Variants in IGF2BP3 observed in about 807,000 individuals in gnomAD.
The protein encoded by IGF2BP3 is insulin like growth factor 2 mRNA binding protein 3, also known as insulin-like growth factor 2 mRNA-binding protein 3.
A neutral mutation model predicts 73.8 loss-of-function variants in IGF2BP3; 9 were observed. The ratio of observed to expected loss-of-function variants is 0.12; its 90% CI spans 0.07 to 0.21. The LOEUF is 0.21. Among genes scored for constraint, IGF2BP3 ranks in the 10% least tolerant of loss-of-function variants. The pLI is 1.00. For missense variants in IGF2BP3, 542 were observed against 714.0 expected, an observed-to-expected ratio of 0.76 and a Z score of 2.75; for synonymous variants, 258 against 256.7, an observed-to-expected ratio of 1.01 and a Z score of -0.05.
At position 23,402,165 on chromosome 7, in the gene IGF2BP3, C is replaced by A. The variant is rs1360876492; in HGVS notation, c.285+16611G>T. The A allele has an allele frequency of 3.9e-5, 6 of 152,056 alleles. No individual in the cohort carries two copies. The East Asian group carries it at 1.2e-3, about 29-fold the overall frequency. 9.4% of individuals were successfully genotyped at this position (152,056 alleles called of 1,614,324 possible). ...TGCAGTCTAAGTCCAAAACCACCTG[C>A]TTAATACATAGCTCAGAGATATTTT... On this transcript the variant is annotated intron_variant, in intron 3 of 14. Coordinates refer to ENST00000258729, the MANE Select transcript of IGF2BP3 (RefSeq NM_006547.3).
At chr7:23,396,414 T>TAC (rs375114853) in intron 3 of IGF2BP3, 18,181 of 153,938 alleles carry the variant, frequency 0.12, 1,591 homozygotes, top group African/African-American at 0.25. Context: ...AATATGTACT[T>TAC]ACACACACAC....
intron 3 of IGF2BP3, among the ~76,000 whole-genome samples, chr7:23,372,759 G>A (rs959446919): frequency 6.6e-6 from 1 of 152,144 alleles, no homozygotes; most frequent in Non-Finnish European, 1.5e-5. Flanking sequence ...ACCAGCCTTC[G>A]TTCAGTCATG....
intron 3 of IGF2BP3, among the ~76,000 whole-genome samples, chr7:23,418,012 T>A (rs1035178813): frequency 2.6e-5 from 4 of 152,198 alleles, no homozygotes; most frequent in Non-Finnish European, 5.9e-5. Context: ...CAAACTAACC[T>A]TTTAACCAAA....
At chr7:23,426,537 A>AC (rs1787517214) in intron 2 of IGF2BP3, among the ~76,000 whole-genome samples, 1 of 152,138 alleles carries the variant, frequency 6.6e-6, no homozygotes, top group African/African-American at 2.4e-5. Context: ...CCTAAATGTT[A>AC]CCCTTTTTCT....
intron 10 of IGF2BP3, among the ~76,000 whole-genome samples, chr7:23,321,637 AAGAC>A (rs1348356128): frequency 6.6e-6 from 1 of 152,212 alleles, no homozygotes; most frequent in African/African-American, 2.4e-5. Context: ...GACAGACAAA[AAGAC>A]AGCAGTAACC....
chr7:23,465,788 A>G (rs1300031395), intron 2 of IGF2BP3, among the ~76,000 whole-genome samples: 1 of 152,230 alleles, frequency 6.6e-6, no homozygotes, highest in Non-Finnish European at 1.5e-5. Context: ...CCTAAAGTCC[A>G]GCAGGCTTGG....
intron 10 of IGF2BP3, among the ~76,000 whole-genome samples, chr7:23,331,631 G>A (rs1784446140): frequency 6.6e-6 from 1 of 152,138 alleles, no homozygotes; most frequent in Admixed American, 6.5e-5. Flanking sequence ...AGGCCAAGGT[G>A]GGTGGATCAC....
At chr7:23,427,755 C>T (rs1443745081) in intron 2 of IGF2BP3, among the ~76,000 whole-genome samples, 1 of 152,088 alleles carries the variant, frequency 6.6e-6, no homozygotes, top group Non-Finnish European at 1.5e-5. Flanking sequence ...CGCCTGTAAT[C>T]CCAGCACTTC....
At chr7:23,418,657 GAGA>G (rs1787260179) in intron 3 of IGF2BP3, 116 bp downstream of exon 3, 2 of 648,256 alleles carry the variant, frequency 3.1e-6, no homozygotes, top group African/African-American at 1.8e-5. Context: ...CGGGTCATAG[GAGA>G]AGAATTTTAT....
chr7:23,413,738 A>T (rs1562737939), intron 3 of IGF2BP3: 2 of 152,146 alleles, frequency 1.3e-5, no homozygotes, highest in Non-Finnish European at 2.9e-5. Flanking sequence ...GAATCCTTCC[A>T]GTCTGGTCAC....
intron 2 of IGF2BP3, among the ~76,000 whole-genome samples, chr7:23,420,978 C>T (rs1293048792): frequency 1.3e-5 from 2 of 152,070 alleles, no homozygotes; most frequent in Non-Finnish European, 2.9e-5. Flanking sequence ...GGACAGGTAC[C>T]TCTCTGCTTT....
chr7:23,312,438 T>A lies in IGF2BP3; in HGVS notation c.1664A>T (p.Glu555Val), dbSNP rs1418843895. 3.1e-6 allele frequency: 5 copies of A among 1,613,842 alleles called. No individual in the cohort carries two copies. In the African/African-American group the frequency reaches 6.7e-5, roughly 22 times the overall value. The part of the protein sequence containing the change: ...ACQVAQRKIQ[E>V]ILTQVKQHQQ... ...GTGCTGCTTTACCTGAGTCAGAATT[T>A]CCTGAATTTTTCTCTGGGCAACCTA... The change falls in exon 15 of 15, where the codon GAA (glutamate) becomes GTA (valine). Residue 555 changes from glutamate to valine, a missense_variant. Glu to Val is a moderately radical substitution (Grantham distance 121). Around this residue, in one of 2 missense-constraint regions of IGF2BP3, gnomAD observed 303 missense variants for 472.1 expected, o/e 0.64. Coordinates refer to ENST00000258729, the MANE Select transcript of IGF2BP3 (RefSeq NM_006547.3).
chr7:23,353,474 C>A (rs1355963429), intron 5 of IGF2BP3, among the ~76,000 whole-genome samples: 1 of 152,188 alleles, frequency 6.6e-6, no homozygotes, highest in African/African-American at 2.4e-5. Flanking sequence ...TGTAAAAGAT[C>A]AGTCATGCAG....
chr7:23,435,509 A>C (rs1458599462), intron 2 of IGF2BP3, among the ~76,000 whole-genome samples: 1 of 150,100 alleles, frequency 6.7e-6, no homozygotes, highest in Non-Finnish European at 1.5e-5. Context: ...GCTGGAGTGC[A>C]GGGGCATGAT....
intron 3 of IGF2BP3, among the ~76,000 whole-genome samples, chr7:23,363,175 T>A (rs977407668): frequency 1.3e-5 from 2 of 152,262 alleles, no homozygotes; most frequent in African/African-American, 4.8e-5. Context: ...GGAAGGTTTA[T>A]CTTATGTGGT....
At chr7:23,348,346 T>C (rs1784881929) in intron 6 of IGF2BP3, among the ~76,000 whole-genome samples, 1 of 152,188 alleles carries the variant, frequency 6.6e-6, no homozygotes, top group South Asian at 2.1e-4. Context: ...AGTAATTATA[T>C]GTCTGCCAGC....
intron 3 of IGF2BP3, among the ~76,000 whole-genome samples, chr7:23,383,006 G>A (rs540626066): frequency 6.6e-6 from 1 of 151,058 alleles, no homozygotes; most frequent in Non-Finnish European, 1.5e-5. Context: ...CCAGGAAATA[G>A]AGGTGAGCTA....
intron 2 of IGF2BP3, among the ~76,000 whole-genome samples, chr7:23,442,738 T>C (rs975709509): frequency 3.9e-5 from 6 of 152,148 alleles, no homozygotes; most frequent in African/African-American, 1.4e-4. Flanking sequence ...TAACATATTA[T>C]AATCAGACTT....
intron 3 of IGF2BP3, among the ~76,000 whole-genome samples, chr7:23,379,880 A>G (rs571532683): frequency 6.6e-6 from 1 of 152,264 alleles, no homozygotes; most frequent in African/African-American, 2.4e-5. Flanking sequence ...CACTGGCTAT[A>G]CACGGGGCAA....
Sources: allele counts gnomAD v4.1 joint callset (sites outside exome capture counted in the v4.1 genomes callset), GRCh38; gene constraint gnomAD v4.1.1; regional missense constraint gnomAD v4.1.1; transcripts MANE v1.5; gene names NCBI Gene and HGNC (gene_info 2026-07-23, HGNC 2026-07-21).